The following STK33 variants were observed in gnomAD, a reference collection of about 807,000 sequenced individuals.
STK33 encodes serine/threonine-protein kinase 33.
In STK33, 52 loss-of-function variants were observed where a neutral mutation model predicts 58.0. The observed-to-expected ratio is 0.90, with a 90% CI of 0.72 to 1.13. The LOEUF is 1.13. Ranked by LOEUF, STK33 falls within the 50% of genes most tolerant of loss-of-function variation. STK33 has a pLI of 0.00. For missense variants in STK33, 630 were observed against 604.2 expected (o/e 1.04, Z -0.45); for synonymous variants, 215 against 200.1 (o/e 1.07, Z -0.63).
intron 1 of STK33, among the ~76,000 whole-genome samples, chr11:8,508,708 A>G (rs913269644): frequency 6.6e-6 from 1 of 152,178 alleles, no homozygotes; most frequent in African/African-American, 2.4e-5. Context: ...AAAAACCTCA[A>G]TCGGGACATG....
chr11:8,344,026 T>C, the STK33 span, among the ~76,000 whole-genome samples: 4 of 152,154 alleles, frequency 2.6e-5, no homozygotes, highest in Non-Finnish European at 5.9e-5. Context: ...TGGTCCTTTT[T>C]CTTGCTCTGT....
chr11:8,398,007 GGA>G (rs1462601624), intron 15 of STK33, among the ~76,000 whole-genome samples: 1 of 152,146 alleles, frequency 6.6e-6, no homozygotes, highest in Non-Finnish European at 1.5e-5. Flanking sequence ...AAAGTGATGG[GGA>G]GAATGGAACC....
chr11:8,489,221 C>T (rs11041949), intron 1 of STK33, among the ~76,000 whole-genome samples: 32,964 of 137,578 alleles, frequency 0.24, 4,061 homozygotes, highest in Middle Eastern at 0.37. Context: ...CACACTACTA[C>T]ACTCCAGCTT....
intron 1 of STK33, among the ~76,000 whole-genome samples, chr11:8,510,869 T>C (rs1157816471): frequency 6.6e-6 from 1 of 152,154 alleles, no homozygotes; most frequent in African/African-American, 2.4e-5. Flanking sequence ...TACATGCCCA[T>C]TTTTATACCA....
chr11:8,403,352 A>T (rs924643875), intron 15 of STK33, among the ~76,000 whole-genome samples: 1 of 152,258 alleles, frequency 6.6e-6, no homozygotes, highest in Non-Finnish European at 1.5e-5. Context: ...TAAAGGGACC[A>T]GAGAATGTTT....
intron 14 of STK33, among the ~76,000 whole-genome samples, chr11:8,428,507 T>G (rs1195147160): frequency 2.0e-5 from 3 of 152,182 alleles, no homozygotes; most frequent in Non-Finnish European, 2.9e-5. Context: ...TACTTTAGGT[T>G]TAATCTTCAG....
intron 6 of STK33, among the ~76,000 whole-genome samples, chr11:8,468,603 A>AT (rs200941619): frequency 1.1e-3 from 167 of 151,096 alleles, no homozygotes; most frequent in South Asian, 5.9e-3. Context: ...CTTTTGGCTT[A>AT]TTTTTTTTTC....
In STK33 at chr11:8,456,507, C is replaced by T. The variant is rs181952037; in HGVS notation, c.697+834G>A. Among the ~76,000 whole-genome samples the T allele has an allele frequency of 1.4e-4, 21 of 152,280 alleles. No individual in the cohort carries two copies. The East Asian group carries it at 3.9e-3, about 28-fold the overall frequency. Reference sequence around the variant, plus strand: ...GACCAATCTCAATGCAGTAGGTGCTCGGGAACTATCAGCTGGATGAACCAC... The same window carrying T: ...GACCAATCTCAATGCAGTAGGTGCTTGGGAACTATCAGCTGGATGAACCAC... On this transcript the variant is annotated intron_variant, in intron 9 of 15. Transcript: ENST00000687296.
At chr11:8,576,932 C>T (rs1958227973) in intron 1 of STK33, among the ~76,000 whole-genome samples, 1 of 152,166 alleles carries the variant, frequency 6.6e-6, no homozygotes, top group South Asian at 2.1e-4. Flanking sequence ...GAAAGAATTG[C>T]TCTACTTCCC....
At chr11:8,359,797 A>C in the STK33 span, among the ~76,000 whole-genome samples, 2 of 152,258 alleles carry the variant, frequency 1.3e-5, no homozygotes, top group Non-Finnish European at 2.9e-5. Flanking sequence ...CAGTTGGCAC[A>C]GGGGTGGTCT....
At chr11:8,450,017 T>C (rs1021583181) in intron 11 of STK33, among the ~76,000 whole-genome samples, 2 of 152,140 alleles carry the variant, frequency 1.3e-5, no homozygotes, top group Non-Finnish European at 2.9e-5. Context: ...GATCTAGAAC[T>C]AGAAATACCA....
chr11:8,393,559 C>T (rs1047865841), intron 15 of STK33, among the ~76,000 whole-genome samples: 11 of 152,256 alleles, frequency 7.2e-5, no homozygotes, highest in African/African-American at 2.2e-4. Flanking sequence ...ACCCACAAAG[C>T]AGCACAGGGG....
the STK33 span, among the ~76,000 whole-genome samples, chr11:8,349,374 G>C: frequency 3.3e-5 from 5 of 152,134 alleles, no homozygotes; most frequent in African/African-American, 9.7e-5. Context: ...CCAGTACCCA[G>C]GCCTGCCTAG....
the STK33 span, among the ~76,000 whole-genome samples, chr11:8,344,229 A>ACACACACACACACACACC: frequency 3.3e-4 from 50 of 150,484 alleles, no homozygotes; most frequent in East Asian, 1.4e-3. Flanking sequence ...ACACACACAC[A>ACACACACACACACACACC]CCCCAGTTAG....
rs1565347745 is a variant in STK33 at position 8,553,205 on chromosome 11, A to ATATATATATATATATATATGGTG, written c.-466+40855_-466+40877dup. ...ATATATATATATATATATGGTGTAT[A>ATATATATATATATATATATGGTG]TATATATATATATATATATGGTGTG... On this transcript the variant is annotated intron_variant, in intron 1 of 15. Transcript: ENST00000687296. Among the ~76,000 whole-genome samples the ATATATATATATATATATATGGTG allele has an allele frequency of 3.1e-3, 288 of 92,414 alleles. 1 individual carries two copies. The highest frequency in any genetic ancestry group is 6.7e-3 in the African/African-American group (124 of 18,540). The allele number at this position is 92,414 out of a possible 152,430, so 60.6% of individuals were successfully genotyped here.
intron 14 of STK33, among the ~76,000 whole-genome samples, chr11:8,420,643 T>C (rs1941777955): frequency 6.6e-6 from 1 of 152,208 alleles, no homozygotes; most frequent in East Asian, 1.9e-4. Context: ...CAGAATCTTG[T>C]GATTAACATT....
chr11:8,456,203 G>T (rs1046956688), intron 9 of STK33, among the ~76,000 whole-genome samples: 1 of 152,096 alleles, frequency 6.6e-6, no homozygotes, highest in Non-Finnish European at 1.5e-5. Context: ...ATAATATTAA[G>T]CCCTTGAAAA....
chr11:8,367,981 T>C, the STK33 span, among the ~76,000 whole-genome samples: 1 of 152,086 alleles, frequency 6.6e-6, no homozygotes, highest in East Asian at 1.9e-4. Context: ...CCCTAGCTTC[T>C]ATGGGGTGGT....
At chr11:8,451,456 T>C (rs913970480) in intron 11 of STK33, among the ~76,000 whole-genome samples, 5 of 152,152 alleles carry the variant, frequency 3.3e-5, no homozygotes, top group African/African-American at 1.2e-4. Context: ...TCAAAAGCAT[T>C]ATTCTAAGTG....
Sources: gnomAD v4.1 joint callset for allele counts (sites outside exome capture counted in the v4.1 genomes callset) on GRCh38, gnomAD v4.1.1 for gene constraint, MANE v1.5 for transcripts, NCBI Gene and HGNC (gene_info 2026-07-23, HGNC 2026-07-21) for gene names.